Variants in MX1 observed in about 807,000 individuals in gnomAD.
MX1 encodes the protein interferon-induced GTP-binding protein Mx1.
In MX1, 66 loss-of-function variants were observed where a neutral mutation model predicts 66.4. The ratio of observed to expected loss-of-function variants is 0.99; its 90% CI spans 0.82 to 1.22. The LOEUF is 1.22. MX1 is among the 50% of genes most tolerant of loss of function. The pLI is 0.00. For synonymous variants in MX1, 311 were observed against 318.1 expected, an observed-to-expected ratio of 0.98 and a Z score of 0.24; for missense variants, 787 against 834.3, an observed-to-expected ratio of 0.94 and a Z score of 0.70.
intron 12 of MX1, 78 bp from the exon 13 acceptor site, chr21:41,445,922 A>G (rs1228987448): frequency 1.3e-6 from 2 of 1,564,508 alleles, no homozygotes; most frequent in African/African-American, 2.7e-5. Flanking sequence ...CACCCTCCAC[A>G]TAGGCACGGC....
intron 16 of MX1, among the ~76,000 whole-genome samples, chr21:41,454,636 C>T (rs1324712270): frequency 6.6e-6 from 1 of 152,188 alleles, no homozygotes; most frequent in African/African-American, 2.4e-5. Context: ...TGATACTGCA[C>T]GATTCAGTTA....
chr21:41,447,229 A>G (rs953961208), intron 13 of MX1, among the ~76,000 whole-genome samples: 2 of 152,154 alleles, frequency 1.3e-5, no homozygotes, highest in Admixed American at 6.5e-5. Flanking sequence ...GTTGTCCCTC[A>G]GTGTGTGTGT....
chr21:41,442,028 T>TGC, intron 10 of MX1, 114 bp downstream of exon 10: 13 of 865,432 alleles, frequency 1.5e-5, no homozygotes, highest in Admixed American at 2.2e-5. Context: ...TGTGTGTGCG[T>TGC]GTGTGTGTGT....
chr21:41,424,811 A>C (rs1451427350), upstream of MX1, among the ~76,000 whole-genome samples: 2 of 152,270 alleles, frequency 1.3e-5, no homozygotes, highest in African/African-American at 4.8e-5. Flanking sequence ...CAGCAGGCTC[A>C]TGCCCAAAAT....
intron 13 of MX1, among the ~76,000 whole-genome samples, chr21:41,447,038 C>G (rs111549633): frequency 0.021 from 3,260 of 152,256 alleles, 108 homozygotes; most frequent in African/African-American, 0.073. Flanking sequence ...CTGTGTGTAG[C>G]GGTTGGCTTT....
chr21:41,456,376 A>G (rs13053056), intron 16 of MX1, among the ~76,000 whole-genome samples: 30,617 of 152,276 alleles, frequency 0.2, 3,628 homozygotes, highest in East Asian at 0.42. Flanking sequence ...GCAGGCCAGC[A>G]GGAAGAGCAG....
intron 8 of MX1, 120 bp from the exon 9 acceptor site, chr21:41,440,767 C>A: frequency 2.5e-6 from 3 of 1,196,004 alleles, no homozygotes; most frequent in South Asian, 1.3e-5. Flanking sequence ...AAAGTTACTT[C>A]TTTTGGGGGA....
At chr21:41,429,355 G>A (rs528550529) in intron 3 of MX1, 10 of 152,298 alleles carry the variant, frequency 6.6e-5, no homozygotes, top group Admixed American at 6.5e-5. Flanking sequence ...GCAAATTAGG[G>A]AAGGGAATCT....
chr21:41,435,364 T>A (rs769478521), intron 5 of MX1, among the ~76,000 whole-genome samples: 1 of 152,216 alleles, frequency 6.6e-6, no homozygotes, highest in Non-Finnish European at 1.5e-5. Flanking sequence ...CTCTCTTCCA[T>A]TCTCTTTTGG....
intron 11 of MX1, among the ~76,000 whole-genome samples, chr21:41,445,233 C>T (rs920628957): frequency 1.3e-5 from 2 of 152,220 alleles, no homozygotes; most frequent in South Asian, 2.1e-4. Flanking sequence ...AGGCTGCTGT[C>T]GCAGGAGTGG....
chr21:41,444,488 G>A (rs1485865269), intron 11 of MX1, among the ~76,000 whole-genome samples: 1 of 151,392 alleles, frequency 6.6e-6, no homozygotes, highest in Non-Finnish European at 1.5e-5. Flanking sequence ...CACCATGCCT[G>A]GCTAATTTTT....
intron 7 of MX1, among the ~76,000 whole-genome samples, chr21:41,437,716 T>C (rs2090402644): frequency 6.6e-6 from 1 of 152,236 alleles, no homozygotes; most frequent in African/African-American, 2.4e-5. Flanking sequence ...ATGGATGATC[T>C]GTCCCTTATT....
chr21:41,448,236 A>G (rs1431988961), intron 13 of MX1, among the ~76,000 whole-genome samples: 1 of 152,200 alleles, frequency 6.6e-6, no homozygotes, highest in East Asian at 1.9e-4. Flanking sequence ...AGTTTAAAGA[A>G]AAATGCAGCA....
At chr21:41,449,869 G>A (rs565046562) in intron 14 of MX1, 5 of 152,280 alleles carry the variant, frequency 3.3e-5, no homozygotes, top group Admixed American at 1.3e-4. Flanking sequence ...ATGGAGGATT[G>A]ACTCAATCTC....
In MX1 at chr21:41,439,701, T is replaced by C; in HGVS notation, c.444T>C (p.Asn148=). 1 of 1,613,772 alleles carries C rather than the reference T, an allele frequency of 6.2e-7. No individual in the cohort carries two copies. Residue 148 remains asparagine, a synonymous_variant, in exon 8 of 17, where the codon AAT becomes AAC. Coordinates refer to ENST00000398598, the MANE Select transcript of MX1 (RefSeq NM_002462.5). Reference sequence around the variant, plus strand: ...TCCCTGTCTCTTTTCTAGCCCAGAATGCCATCGCCGGGGAAGGAATGGGAA... The same window carrying C: ...TCCCTGTCTCTTTTCTAGCCCAGAACGCCATCGCCGGGGAAGGAATGGGAA... ...EVEKEINKAQ[N]AIAGEGMGIS...
At chr21:41,447,163 T>G (rs979389007) in intron 13 of MX1, among the ~76,000 whole-genome samples, 1 of 152,172 alleles carries the variant, frequency 6.6e-6, no homozygotes, top group African/African-American at 2.4e-5. Context: ...GCTGGTTCCT[T>G]CTAAGGCCTC....
chr21:41,458,451 A>T lies in MX1; in HGVS notation c.1759-77A>T, dbSNP rs2091006566. ...CCTCATTGAGAATCTGGATCCCCTCATGTGCACATGGTGAGGTCAGAGTCC... is the reference window on the plus strand; with the variant it reads ...CCTCATTGAGAATCTGGATCCCCTCTTGTGCACATGGTGAGGTCAGAGTCC... On this transcript the variant is annotated intron_variant, in intron 16 of 16. Coordinates refer to ENST00000398598, the MANE Select transcript of MX1 (RefSeq NM_002462.5). 6.0e-6 allele frequency: 7 copies of T among 1,161,266 alleles called. No homozygotes were observed. The South Asian group carries it at 1.3e-4, about 22-fold the overall frequency. 71.9% of individuals were successfully genotyped at this position (1,161,266 alleles called of 1,614,324 possible).
At position 41,441,696 on chromosome 21, in the gene MX1, C is replaced by A; in HGVS notation, c.731-20C>A. ...CTCGTGACTGAGCACGTTCTCTCCC[C>A]AAATACATCTGGCTCGCAGGAATCT... On this transcript the variant is annotated intron_variant, in intron 9 of 16. Coordinates refer to ENST00000398598, the MANE Select transcript of MX1 (RefSeq NM_002462.5). The surrounding 1 kb of genome is among the most constrained non-coding windows in gnomAD (Gnocchi z 4.0). 6.2e-7 allele frequency: 1 copy of A among 1,613,770 alleles called. No individual in the cohort carries two copies. The highest frequency in any genetic ancestry group is 1.1e-5 in the South Asian group (1 of 91,028).
At chr21:41,443,729 G>A (rs2090580610) in intron 10 of MX1, 59 bp from the exon 11 acceptor site, 1 of 1,544,456 alleles carries the variant, frequency 6.5e-7, no homozygotes, top group African/African-American at 1.4e-5. Flanking sequence ...ACAGCAAAAA[G>A]GCAGACATGC....
Sources: gnomAD v4.1 joint callset for allele counts (sites outside exome capture counted in the v4.1 genomes callset) on GRCh38, gnomAD v4.1.1 for gene constraint, Gnocchi (gnomAD v3.1) non-coding constraint, MANE v1.5 for transcripts, NCBI Gene and HGNC (gene_info 2026-07-23, HGNC 2026-07-21) for gene names.